ARPP21: variants seen among roughly 807,000 people sequenced by gnomAD.
ARPP21 encodes the protein cAMP-regulated phosphoprotein 21.
A neutral mutation model predicts 113.2 loss-of-function variants in ARPP21; 69 were observed. The observed-to-expected ratio is 0.61, with a 90% CI of 0.50 to 0.74. ARPP21 has a LOEUF of 0.74. Among genes scored for constraint, ARPP21 ranks in the 30% least tolerant of loss-of-function variants. ARPP21 has a pLI of 0.00. For missense variants in ARPP21, 1,070 were observed against 1,037.4 expected (o/e 1.03, Z -0.43); for synonymous variants, 368 against 375.5 (o/e 0.98, Z 0.23).
chr3:35,690,515 T>A (rs1385949548), intron 8 of ARPP21, among the ~76,000 whole-genome samples: 1 of 151,500 alleles, frequency 6.6e-6, no homozygotes, highest in African/African-American at 2.4e-5. Context: ...TAATGACACA[T>A]CTCCATATAG....
At chr3:35,674,334 C>T (rs1165932882) in intron 1 of ARPP21, among the ~76,000 whole-genome samples, 3 of 151,918 alleles carry the variant, frequency 2.0e-5, no homozygotes, top group Non-Finnish European at 2.9e-5. Context: ...GTATCGTTAT[C>T]CACAAGATCC....
intron 8 of ARPP21, 69 bp from the exon 9 acceptor site, chr3:35,690,796 A>T (rs1321883061): frequency 3.5e-6 from 5 of 1,413,158 alleles, no homozygotes; most frequent in Non-Finnish European, 4.8e-6. Flanking sequence ...TTGTGTGTAT[A>T]CTTGTAAAAA....
intron 1 of ARPP21, among the ~76,000 whole-genome samples, chr3:35,670,886 C>A (rs778067146): frequency 6.6e-6 from 1 of 152,108 alleles, no homozygotes; most frequent in Non-Finnish European, 1.5e-5. Flanking sequence ...CACTGGCCTG[C>A]GGGCCCTCTC....
Position 35,715,442 on chromosome 3 carries a change from G to A in ARPP21, c.901G>A (p.Val301Ile). ...VRERIFAHDS[V>I]CSQESLFVEN... ...ATGCCTTTTTTTTATTTTTCAGTCA[G>A]TTTGCTCCCAGGAAAGCCTTTTTGT... Residue 301 changes from valine (V) to isoleucine (I), a missense_variant, in exon 12 of 21, where the codon GTT becomes ATT. Physicochemically the swap from Val to Ile is conservative, Grantham distance 29. Coordinates refer to ENST00000684406, the MANE Select transcript of ARPP21 (RefSeq NM_001385562.1). The A allele has an allele frequency of 1.2e-6, 2 of 1,612,816 alleles. No individual in the cohort carries two copies. The highest frequency in any genetic ancestry group is 1.1e-5 in the South Asian group (1 of 90,986).
At chr3:35,658,361 C>G (rs1427451818) in intron 1 of ARPP21, among the ~76,000 whole-genome samples, 1 of 151,980 alleles carries the variant, frequency 6.6e-6, no homozygotes, top group East Asian at 1.9e-4. Context: ...ATTAAAAACA[C>G]TATGTGTAAA....
intron 15 of ARPP21, among the ~76,000 whole-genome samples, chr3:35,730,634 T>C (rs2093895137): frequency 1.3e-5 from 2 of 152,366 alleles, no homozygotes; most frequent in Admixed American, 6.5e-5. Flanking sequence ...TTGGTTTCGA[T>C]CCTTCCAGAC....
At chr3:35,721,113 T>C (rs1576292159) in intron 13 of ARPP21, among the ~76,000 whole-genome samples, 1 of 152,224 alleles carries the variant, frequency 6.6e-6, no homozygotes, top group African/African-American at 2.4e-5. Context: ...AGCTGGAACA[T>C]GAATTAACAG....
At position 35,794,126 on chromosome 3, in the gene ARPP21, A is replaced by G; in HGVS notation, c.*168A>G. 1 of 646,830 alleles carries G rather than the reference A, an allele frequency of 1.5e-6. No individual in the cohort carries two copies. The highest frequency in any genetic ancestry group is 2.7e-6 in the Non-Finnish European group (1 of 376,120). 40.1% of individuals were successfully genotyped at this position (646,830 alleles called of 1,614,324 possible). On this transcript the variant is annotated 3_prime_UTR_variant, in exon 21 of 21. Coordinates refer to ENST00000684406, the MANE Select transcript of ARPP21 (RefSeq NM_001385562.1). ...AGACTAATATACACGTTAGCTGGTT[A>G]ATGGTGCATATTTCTGTCATGTCTG...
chr3:35,729,568 A>G (rs2093795583), intron 15 of ARPP21, 32 bp downstream of exon 15: 3 of 1,536,168 alleles, frequency 2.0e-6, no homozygotes, highest in South Asian at 2.2e-5. Context: ...CAGGGACACA[A>G]GGCTTTCAGA....
Position 35,717,333 on chromosome 3 carries a change from C to A in ARPP21, c.971C>A (p.Thr324Asn). ...LLEDSNICNE[T>N]YKKRQLFRGN... ...GAAGACAGTAACATATGCAATGAGA[C>A]CTATAAGAAAAGACAGCTCTTTCGG... The change falls in exon 13 of 21, where the codon ACC becomes AAC. Residue 324 changes from threonine (T) to asparagine (N), a missense_variant. By Grantham distance (65) the Thr-to-Asn change is moderately conservative. Coordinates refer to ENST00000684406, the MANE Select transcript of ARPP21 (RefSeq NM_001385562.1). 1.2e-6 allele frequency: 2 copies of A among 1,606,950 alleles called. No homozygotes were observed. The highest frequency in any genetic ancestry group is 1.7e-6 in the Non-Finnish European group (2 of 1,174,012).
In ARPP21 at chr3:35,721,728, T is replaced by C. The variant is rs2093089307; in HGVS notation, c.1119T>C (p.Asn373=). 2 of 1,613,686 alleles carry C rather than the reference T, an allele frequency of 1.2e-6. No homozygotes were observed. The highest frequency in any genetic ancestry group is 2.7e-5 in the African/African-American group (2 of 74,870). The change falls in exon 14 of 21, where the codon AAT becomes AAC. Residue 373 remains asparagine (N), a synonymous_variant. Transcript: ENST00000684406. ...CAGACTCCGACAGTTCCAACCGCAA[T>C]CTAAAGCCCGCCATGACCAAGACGG... ...SSTDSDSSNR[N]LKPAMTKTAS...
intron 16 of ARPP21, among the ~76,000 whole-genome samples, chr3:35,737,881 A>G (rs1343583719): frequency 6.6e-6 from 1 of 152,134 alleles, no homozygotes; most frequent in African/African-American, 2.4e-5. Context: ...AGAAACCTGA[A>G]GTGTTTCTGG....
At chr3:35,774,711 C>A (rs1165397265) in intron 19 of ARPP21, 6 of 152,140 alleles carry the variant, frequency 3.9e-5, no homozygotes, top group Middle Eastern at 3.4e-3. Flanking sequence ...TTTATATGTG[C>A]CTATGTACAA....
chr3:35,669,260 C>T (rs1357494894), intron 1 of ARPP21, among the ~76,000 whole-genome samples: 2 of 152,092 alleles, frequency 1.3e-5, no homozygotes, highest in Non-Finnish European at 2.9e-5. Flanking sequence ...AAGGAGACTA[C>T]TCAACAAAAA....
intron 11 of ARPP21, chr3:35,714,995 A>G (rs893471813): frequency 6.5e-6 from 1 of 154,418 alleles, no homozygotes; most frequent in Non-Finnish European, 1.4e-5. Context: ...TAATTTCAGG[A>G]TTGTGGCTTT....
intron 11 of ARPP21, 40 bp downstream of exon 11, chr3:35,709,110 C>A (rs959492208): frequency 5.1e-6 from 7 of 1,375,286 alleles, no homozygotes; most frequent in Non-Finnish European, 7.2e-6. Flanking sequence ...TGCGCTCCTT[C>A]CAACAGCAGT....
chr3:35,717,861 G>T (rs1576251803), intron 13 of ARPP21, among the ~76,000 whole-genome samples: 1 of 152,244 alleles, frequency 6.6e-6, no homozygotes, highest in South Asian at 2.1e-4. Flanking sequence ...ATTAAAATCT[G>T]TGTAGGATAA....
At chr3:35,748,166 A>G (rs1368989443) in intron 19 of ARPP21, among the ~76,000 whole-genome samples, 1 of 141,472 alleles carries the variant, frequency 7.1e-6, no homozygotes, top group Non-Finnish European at 1.5e-5. Flanking sequence ...AAAGAACAGA[A>G]CAGAAAAGAA....
intron 14 of ARPP21, among the ~76,000 whole-genome samples, chr3:35,725,809 C>T (rs142875759): frequency 6.6e-6 from 1 of 152,176 alleles, no homozygotes; most frequent in Non-Finnish European, 1.5e-5. Context: ...GTGGCTACCC[C>T]CTAGGGTTCA....
Sources: gnomAD v4.1 joint callset for allele counts (sites outside exome capture counted in the v4.1 genomes callset) on GRCh38, gnomAD v4.1.1 for gene constraint, MANE v1.5 for transcripts, NCBI Gene and HGNC (gene_info 2026-07-23, HGNC 2026-07-21) for gene names.